The following AGAP1 variants were observed in gnomAD, a reference collection of about 807,000 sequenced individuals.
The protein encoded by AGAP1 is arf-GAP with GTPase, ANK repeat and PH domain-containing protein 1.
In AGAP1, 29 loss-of-function variants were observed where a neutral mutation model predicts 105.3. That is an observed-to-expected ratio of 0.28 (90% CI 0.21 to 0.38). AGAP1 has a LOEUF of 0.38. AGAP1 is among the 10% of genes least tolerant of loss of function. The pLI is 1.00. For missense variants in AGAP1, 998 were observed against 1,165.1 expected (o/e 0.86, Z 2.09); for synonymous variants, 509 against 485.9 (o/e 1.05, Z -0.63).
rs2050079416 is a variant in AGAP1 at position 235,882,522 on chromosome 2, G to A, written c.1051-823G>A. ...CTTAAAACAATCGGTACCATCCGTG[G>A]CGGGCTCTTAGCTCACTGCAACACT... On this transcript the variant is annotated intron_variant, in intron 9 of 17. Coordinates refer to ENST00000304032, the MANE Select transcript of AGAP1 (RefSeq NM_001037131.3). The surrounding 1 kb of genome is among the most constrained non-coding windows in gnomAD (Gnocchi z 4.6). 3 of 1,326,022 alleles carry A rather than the reference G, an allele frequency of 2.3e-6. No homozygotes were observed. The highest frequency in any genetic ancestry group is 2.5e-5 in the South Asian group (2 of 81,174). 82.1% of individuals were successfully genotyped at this position (1,326,022 alleles called of 1,614,324 possible).
At position 235,629,268 on chromosome 2, in the gene AGAP1, T is replaced by TTGTGTGTG. The variant is rs60059513; in HGVS notation, c.164-79867_164-79860dup. Among the ~76,000 whole-genome samples the TTGTGTGTG allele has an allele frequency of 9.1e-4, 123 of 135,794 alleles. 1 individual carries two copies. Among genetic ancestry groups the TTGTGTGTG allele is most frequent in the Non-Finnish European group, 1.2e-3 (77 of 63,566 alleles). The allele number at this position is 135,794 out of a possible 152,430, so 89.1% of individuals were successfully genotyped here. The stretch of plus-strand genomic sequence containing the variant: ...CCTTCTTAAGGCTGAGTAGTAGTCA[T>TTGTGTGTG]TGTGTGTGTGTGTGTGTGTGTGTGT... On this transcript the variant is annotated intron_variant, in intron 1 of 17. Coordinates refer to ENST00000304032, the MANE Select transcript of AGAP1 (RefSeq NM_001037131.3).
At chr2:235,826,670 G>A (rs933975936) in intron 9 of AGAP1, among the ~76,000 whole-genome samples, 9 of 152,098 alleles carry the variant, frequency 5.9e-5, no homozygotes, top group Non-Finnish European at 7.4e-5. Flanking sequence ...GGGTGGGCTC[G>A]AACTCCTACC....
chr2:236,115,762 T>C (rs1280083128), intron 16 of AGAP1, among the ~76,000 whole-genome samples: 2 of 152,206 alleles, frequency 1.3e-5, no homozygotes, highest in Non-Finnish European at 2.9e-5. Flanking sequence ...CACTGAAATA[T>C]AGCAGTCCCA....
rs1029475720 is a variant in AGAP1 at position 236,130,050 on chromosome 2, A to T, written c.*5928A>T. 1 of 152,298 alleles carries T rather than the reference A, an allele frequency of 6.6e-6. No individual in the cohort carries two copies. The highest frequency in any genetic ancestry group is 1.5e-5 in the Non-Finnish European group (1 of 68,148). The allele number at this position is 152,298 out of a possible 1,614,324, so 9.4% of individuals were successfully genotyped here. Reference sequence around the variant, plus strand: ...GGCCTCAGGGCCTGGAGGTGGGCAGATGGGGCCAGAGTGGCCAGCAGAGAC... The same window carrying T: ...GGCCTCAGGGCCTGGAGGTGGGCAGTTGGGGCCAGAGTGGCCAGCAGAGAC... On this transcript the variant is annotated 3_prime_UTR_variant, in exon 18 of 18. Transcript: ENST00000304032. The surrounding 1 kb of genome is among the most constrained non-coding windows in gnomAD (Gnocchi z 5.8).
intron 6 of AGAP1, among the ~76,000 whole-genome samples, chr2:235,761,460 A>G (rs1954430401): frequency 6.6e-6 from 1 of 152,212 alleles, no homozygotes; most frequent in Non-Finnish European, 1.5e-5. Context: ...AATGACATAG[A>G]AAATGGTTAT....
rs1409994634 is a variant in AGAP1 at position 235,964,176 on chromosome 2, C to T, written c.1484-4286C>T. Among the ~76,000 whole-genome samples, 1 of 152,062 alleles carries T rather than the reference C, an allele frequency of 6.6e-6. No homozygotes were observed. The highest frequency in any genetic ancestry group is 1.5e-5 in the Non-Finnish European group (1 of 68,022). On this transcript the variant is annotated intron_variant, in intron 12 of 17. Coordinates refer to ENST00000304032, the MANE Select transcript of AGAP1 (RefSeq NM_001037131.3). This position sits in a 1 kb window ranked among gnomAD's most constrained non-coding sequence, Gnocchi z 4.6. ...AATGTTAGTTTGGGAGAGAGTGTTA[C>T]AAACACAGAGTGACAGAGGGAAGGA...
chr2:235,667,581 G>A (rs914864862), intron 1 of AGAP1, among the ~76,000 whole-genome samples: 16 of 152,126 alleles, frequency 1.1e-4, no homozygotes, highest in African/African-American at 3.4e-4. Context: ...CCAGATGGGC[G>A]CTAGGCTGTC....
At position 235,612,814 on chromosome 2, in the gene AGAP1, T is replaced by G. The variant is rs1430078552; in HGVS notation, c.164-96365T>G. On this transcript the variant is annotated intron_variant, in intron 1 of 17. Transcript: ENST00000304032. This position sits in a 1 kb window ranked among gnomAD's most constrained non-coding sequence, Gnocchi z 4.3. The stretch of plus-strand genomic sequence containing the variant: ...GGCCTGCCAGCCGATGTTGTGATCT[T>G]GTGGAGGGAATGACCCCACGTCTCT... 1.3e-5 allele frequency among the ~76,000 whole-genome samples: 2 copies of G among 152,146 alleles called. No homozygotes were observed. The highest frequency in any genetic ancestry group is 2.4e-5 in the African/African-American group (1 of 41,448).
Position 236,014,736 on chromosome 2 carries a change from T to C in AGAP1, c.1646-21825T>C, listed in dbSNP as rs2056635860. On this transcript the variant is annotated intron_variant, in intron 13 of 17. Transcript: ENST00000304032. This position sits in a 1 kb window ranked among gnomAD's most constrained non-coding sequence, Gnocchi z 6.3. ...TTTGACCTTTTTTTTTCTCCCCTTT[T>C]CATTTGTTTTCTTTTCCTTTTTGTT... 2.5e-6 allele frequency: 1 copy of C among 392,398 alleles called. No homozygotes were observed. The highest frequency in any genetic ancestry group is 8.1e-5 in the East Asian group (1 of 12,342). 24.3% of individuals were successfully genotyped at this position (392,398 alleles called of 1,614,324 possible).
chr2:236,056,328 A>G lies in AGAP1; in HGVS notation c.2114+7047A>G. Among the ~76,000 whole-genome samples, 1 of 152,184 alleles carries G rather than the reference A, an allele frequency of 6.6e-6. No individual in the cohort carries two copies. Among genetic ancestry groups the G allele is most frequent in the East Asian group, 1.9e-4 (1 of 5,178 alleles). On this transcript the variant is annotated intron_variant, in intron 16 of 17. Coordinates refer to ENST00000304032, the MANE Select transcript of AGAP1 (RefSeq NM_001037131.3). This position sits in a 1 kb window ranked among gnomAD's most constrained non-coding sequence, Gnocchi z 4.6. Reference sequence around the variant, plus strand: ...TGCTTGGAGCCGGCTTTGCTACCGCAGAGCTGTCTAGGGTTGAAAATCCTT... The same window carrying G: ...TGCTTGGAGCCGGCTTTGCTACCGCGGAGCTGTCTAGGGTTGAAAATCCTT...
chr2:235,995,672 A>G (rs1475215378), intron 13 of AGAP1, among the ~76,000 whole-genome samples: 1 of 152,190 alleles, frequency 6.6e-6, no homozygotes, highest in Non-Finnish European at 1.5e-5. Flanking sequence ...CGATTCTGCC[A>G]TCAAGAAAGC....
Position 235,628,511 on chromosome 2 carries a change from C to A in AGAP1, c.164-80668C>A, listed in dbSNP as rs1364035292. Among the ~76,000 whole-genome samples the A allele has an allele frequency of 2.0e-5, 3 of 152,184 alleles. No individual in the cohort carries two copies. The East Asian group carries it at 5.8e-4, about 30-fold the overall frequency. On this transcript the variant is annotated intron_variant, in intron 1 of 17. Coordinates refer to ENST00000304032, the MANE Select transcript of AGAP1 (RefSeq NM_001037131.3). ...AGTGAGCTCCAGGCAGAAGAACAAG[C>A]AGGTGGAAGTGCCCGGTTCTGGAAG...
chr2:235,931,312 C>A lies in AGAP1; in HGVS notation c.1483+389C>A, dbSNP rs915830468. ...TGGCGTGGCCCACACTCTTCCACCA[C>A]TAGTGCACATTTTATATCATTAGGG... On this transcript the variant is annotated intron_variant, in intron 12 of 17. Coordinates refer to ENST00000304032, the MANE Select transcript of AGAP1 (RefSeq NM_001037131.3). The surrounding 1 kb of genome is among the most constrained non-coding windows in gnomAD (Gnocchi z 5.6). Among the ~76,000 whole-genome samples the A allele has an allele frequency of 1.3e-5, 2 of 152,194 alleles. No individual in the cohort carries two copies. The highest frequency in any genetic ancestry group is 2.9e-5 in the Non-Finnish European group (2 of 68,026).
chr2:235,751,526 G>A lies in AGAP1; in HGVS notation c.673+1038G>A, dbSNP rs1953439921. Among the ~76,000 whole-genome samples, 1 of 152,200 alleles carries A rather than the reference G, an allele frequency of 6.6e-6. No individual in the cohort carries two copies. Among genetic ancestry groups the A allele is most frequent in the South Asian group, 2.1e-4 (1 of 4,836 alleles). On this transcript the variant is annotated intron_variant, in intron 6 of 17. Coordinates refer to ENST00000304032, the MANE Select transcript of AGAP1 (RefSeq NM_001037131.3). This position sits in a 1 kb window ranked among gnomAD's most constrained non-coding sequence, Gnocchi z 5.3. Reference sequence around the variant, plus strand: ...TTGAAGACCCACGGTGAAAGCAGTGGCTGCAGGACTGTTCCCGGGACTTCC... The same window carrying A: ...TTGAAGACCCACGGTGAAAGCAGTGACTGCAGGACTGTTCCCGGGACTTCC...
intron 1 of AGAP1, among the ~76,000 whole-genome samples, chr2:235,658,287 G>T (rs958599398): frequency 1.1e-4 from 17 of 152,102 alleles, no homozygotes; most frequent in African/African-American, 4.1e-4. Context: ...AGAAATAACG[G>T]TGCTGCTATT....
chr2:235,570,129 G>C (rs1419990461), intron 1 of AGAP1, among the ~76,000 whole-genome samples: 1 of 151,700 alleles, frequency 6.6e-6, no homozygotes, highest in African/African-American at 2.4e-5. Context: ...GAGTTCCCAG[G>C]CTTCCCCCTA....
Position 235,744,898 on chromosome 2 carries a change from G to A in AGAP1, c.538+59G>A. On this transcript the variant is annotated intron_variant, in intron 5 of 17. Transcript: ENST00000304032. The surrounding 1 kb of genome is among the most constrained non-coding windows in gnomAD (Gnocchi z 5.2). ...GGGTTCTAACAGTTACATATTTTCA[G>A]TATGGAGGAGTTTAAAAAATGCTTT... 1 of 1,558,442 alleles carries A rather than the reference G, an allele frequency of 6.4e-7. No homozygotes were observed. The highest frequency in any genetic ancestry group is 8.7e-7 in the Non-Finnish European group (1 of 1,149,148).
chr2:235,871,809 C>G (rs1300558000), intron 9 of AGAP1, among the ~76,000 whole-genome samples: 1 of 152,164 alleles, frequency 6.6e-6, no homozygotes, highest in Non-Finnish European at 1.5e-5. Context: ...GAGAATTAAA[C>G]CCAATGGAGA....
At chr2:235,594,894 T>G (rs964978410) in intron 1 of AGAP1, among the ~76,000 whole-genome samples, 23 of 151,050 alleles carry the variant, frequency 1.5e-4, no homozygotes, top group Middle Eastern at 3.4e-3. Flanking sequence ...TTTTTTTTTT[T>G]TTTTTTTTTT....
Sources: gnomAD v4.1 joint callset for allele counts (sites outside exome capture counted in the v4.1 genomes callset) on GRCh38, gnomAD v4.1.1 for gene constraint, Gnocchi (gnomAD v3.1) non-coding constraint, MANE v1.5 for transcripts, NCBI Gene and HGNC (gene_info 2026-07-23, HGNC 2026-07-21) for gene names.